Variants in CTNND1 observed in about 807,000 individuals in gnomAD.
The protein encoded by CTNND1 is catenin delta-1.
CTNND1 carries 16 observed loss-of-function variants against 112.1 expected under a neutral mutation model. The ratio of observed to expected loss-of-function variants is 0.14; its 90% CI spans 0.10 to 0.22. The LOEUF is 0.22. Ranked by LOEUF, CTNND1 falls within the 10% of genes least tolerant of loss-of-function variation. The pLI is 1.00. For missense variants in CTNND1, 1,008 were observed against 1,257.0 expected, an observed-to-expected ratio of 0.80 and a Z score of 3.00; for synonymous variants, 420 against 446.5, an observed-to-expected ratio of 0.94 and a Z score of 0.75.
intron 11 of CTNND1, 192 bp downstream of exon 11, chr11:57,806,670 A>G (rs936203952): frequency 1.4e-4 from 91 of 643,564 alleles, no homozygotes; most frequent in Middle Eastern, 5.2e-4. Context: ...AGCAGTCCCC[A>G]TTATCAGAAC....
chr11:57,806,316 A>C, intron 10 of CTNND1, 145 bp from the exon 11 acceptor site: 1 of 865,038 alleles, frequency 1.2e-6, no homozygotes, highest in Non-Finnish European at 1.8e-6. Flanking sequence ...CTTCTTCCCC[A>C]TACGTCCTTT....
rs1591106759 is a variant in CTNND1 at position 57,766,992 on chromosome 11, G to A, written c.-214+4873G>A. Among the ~76,000 whole-genome samples, 10 of 148,082 alleles carry A rather than the reference G, an allele frequency of 6.8e-5. No individual in the cohort carries two copies. In the South Asian group the frequency reaches 2.1e-3, roughly 32 times the overall value. ...TTCTTATCTTTTTTTTTTTTTTTGA[G>A]ATGGAGTCTTGCTCTGTTGTCCAGG... is the stretch of plus-strand genomic sequence containing the variant. On this transcript the variant is annotated intron_variant, in intron 1 of 20. Transcript: ENST00000399050.
chr11:57,790,023 T>C (rs2060522317), intron 2 of CTNND1, among the ~76,000 whole-genome samples: 1 of 152,196 alleles, frequency 6.6e-6, no homozygotes, highest in South Asian at 2.1e-4. Flanking sequence ...TTGCCATCAA[T>C]ATAATATTTA....
intron 19 of CTNND1, 27 bp from the exon 20 acceptor site, chr11:57,815,888 A>T (rs2063913508): frequency 6.3e-7 from 1 of 1,587,180 alleles, no homozygotes; most frequent in African/African-American, 1.3e-5. Flanking sequence ...GTCTCTACTC[A>T]TACTAACAAA....
rs778794077 is a variant in CTNND1, at chr11:57,796,663, T to A, written c.627T>A (p.Pro209=). ...CCCTTCCTAGGAACTTCCACTACCCTCCTGATGGTTATAGTCGCCACTATG... is the reference window on the plus strand; with the variant it reads ...CCCTTCCTAGGAACTTCCACTACCCACCTGATGGTTATAGTCGCCACTATG... ...TATLPRNFHY[P]PDGYSRHYED... The change falls in exon 6 of 21, where the codon CCT becomes CCA. Residue 209 remains proline (P), a synonymous_variant. Coordinates refer to ENST00000399050, the MANE Select transcript of CTNND1 (RefSeq NM_001085458.2). 6.2e-7 allele frequency: 1 copy of A among 1,614,008 alleles called. No individual in the cohort carries two copies. The highest frequency in any genetic ancestry group is 1.1e-5 in the South Asian group (1 of 91,084).
intron 1 of CTNND1, among the ~76,000 whole-genome samples, chr11:57,785,968 G>A (rs1224953555): frequency 6.6e-6 from 1 of 152,046 alleles, no homozygotes; most frequent in African/African-American, 2.4e-5. Context: ...AGACGAGACT[G>A]AGTTTTTATC....
rs752587489 is a variant in CTNND1, at chr11:57,805,991, C to G, written c.1832C>G (p.Thr611Ser). 1 of 1,612,356 alleles carries G rather than the reference C, an allele frequency of 6.2e-7. No homozygotes were observed. Among genetic ancestry groups the G allele is most frequent in the South Asian group, 1.1e-5 (1 of 90,678 alleles). Residue 611 changes from threonine (T) to serine (S), a missense_variant, in exon 10 of 21, where the codon ACT becomes AGT. Transcript: ENST00000399050. ...GCAGCTCCCAATGTTGCCAACAATA[C>G]TGGGCCACATGCTGCCAGTTGCTTT... ...QEAAPNVANN[T>S]GPHAASCFGA...
chr11:57,811,975 C>T (rs1311819375), intron 17 of CTNND1, among the ~76,000 whole-genome samples: 1 of 152,146 alleles, frequency 6.6e-6, no homozygotes, highest in Non-Finnish European at 1.5e-5. Context: ...TTCTTTTTCA[C>T]ATAAAGTGTA....
intron 1 of CTNND1, among the ~76,000 whole-genome samples, chr11:57,778,659 T>C (rs1478751394): frequency 6.6e-6 from 1 of 152,202 alleles, no homozygotes; most frequent in Admixed American, 6.5e-5. Flanking sequence ...TGGCCCGTGA[T>C]TGGTAGACAG....
intron 2 of CTNND1, among the ~76,000 whole-genome samples, chr11:57,790,591 A>C (rs1444927307): frequency 8.8e-6 from 1 of 114,144 alleles, no homozygotes; most frequent in Non-Finnish European, 1.6e-5. Flanking sequence ...GGAGTCTTGC[A>C]CTGTCGCCTA....
chr11:57,770,223 G>A (rs928523569), intron 1 of CTNND1, among the ~76,000 whole-genome samples: 18 of 151,564 alleles, frequency 1.2e-4, no homozygotes, highest in Admixed American at 3.3e-4. Context: ...CCAGCTACTC[G>A]GGAAGCTGAG....
intron 3 of CTNND1, among the ~76,000 whole-genome samples, chr11:57,792,102 C>G (rs2060810953): frequency 6.6e-6 from 1 of 152,114 alleles, no homozygotes; most frequent in Non-Finnish European, 1.5e-5. Flanking sequence ...CAGTCTGTAC[C>G]CAGGTGTGGC....
rs1309972781 is a variant in CTNND1 at position 57,791,587 on chromosome 11, G to T, written c.109G>T (p.Val37Phe). 1 of 1,611,642 alleles carries T rather than the reference G, an allele frequency of 6.2e-7. No homozygotes were observed. The highest frequency in any genetic ancestry group is 8.5e-7 in the Non-Finnish European group (1 of 1,178,958). ...GGCGCTGGAGGAGGAACGGCGCCAC[G>T]TCTCGGCGCAGCTGGAACGCGTCCG... ...TRALEEERRH[V>F]SAQLERVRVS... Residue 37 changes from valine (V) to phenylalanine (F), a missense_variant, in exon 3 of 21, where the codon GTC (valine) becomes TTC (phenylalanine). Coordinates refer to ENST00000399050, the MANE Select transcript of CTNND1 (RefSeq NM_001085458.2).
intron 4 of CTNND1, among the ~76,000 whole-genome samples, chr11:57,794,828 T>C (rs997216752): frequency 1.4e-5 from 2 of 146,270 alleles, no homozygotes; most frequent in African/African-American, 2.5e-5. Flanking sequence ...GGGCACGGTG[T>C]CTCATGCCTG....
intron 10 of CTNND1, 80 bp from the exon 11 acceptor site, chr11:57,806,381 A>AT (rs879219865): frequency 7.6e-7 from 1 of 1,310,076 alleles, no homozygotes; most frequent in East Asian, 2.4e-5. Context: ...TTTGCCCATG[A>AT]TTCTGCTGAC....
chr11:57,810,404 C>G (rs1398955997), intron 16 of CTNND1, among the ~76,000 whole-genome samples, 181 bp downstream of exon 16: 1 of 151,930 alleles, frequency 6.6e-6, no homozygotes, highest in Non-Finnish European at 1.5e-5. Flanking sequence ...TCTCGGCTCA[C>G]TGCAACCTCT....
intron 12 of CTNND1, 51 bp downstream of exon 12, chr11:57,807,034 A>G: frequency 7.8e-6 from 11 of 1,406,074 alleles, no homozygotes; most frequent in Non-Finnish European, 1.1e-5. Context: ...GTACAAAGAT[A>G]AGATATTTAG....
At chr11:57,774,326 C>G (rs1485778260) in intron 1 of CTNND1, among the ~76,000 whole-genome samples, 1 of 152,154 alleles carries the variant, frequency 6.6e-6, no homozygotes, top group Non-Finnish European at 1.5e-5. Context: ...TCCTTGAAGG[C>G]CATCTAAGAT....
chr11:57,819,188 C>G lies in CTNND1; in HGVS notation c.*2880C>G, dbSNP rs1052398486. The G allele has an allele frequency of 6.6e-6, 1 of 152,114 alleles. No homozygotes were observed. The highest frequency in any genetic ancestry group is 1.5e-5 in the Non-Finnish European group (1 of 68,008). 9.4% of individuals were successfully genotyped at this position (152,114 alleles called of 1,614,324 possible). A position where few individuals can be genotyped will look rare whatever the true frequency, so the allele number is the denominator to read the frequency against. On this transcript the variant is annotated 3_prime_UTR_variant, in exon 21 of 21. Coordinates refer to ENST00000399050, the MANE Select transcript of CTNND1 (RefSeq NM_001085458.2). ...TTATATAGCTGCTCCTGATGATGGT[C>G]CTGTCTTGTTTTATTGAACTAGGAC...
Sources: allele counts gnomAD v4.1 joint callset (sites outside exome capture counted in the v4.1 genomes callset), GRCh38; gene constraint gnomAD v4.1.1; transcripts MANE v1.5; gene names NCBI Gene and HGNC (gene_info 2026-07-23, HGNC 2026-07-21).